Variants in DMGDH observed in about 807,000 individuals in gnomAD.
The protein encoded by DMGDH is dimethylglycine dehydrogenase, mitochondrial.
Under a neutral mutation model 95.2 loss-of-function variants are expected in DMGDH, and 76 were observed. The ratio of observed to expected loss-of-function variants is 0.80; its 90% CI spans 0.66 to 0.97. The LOEUF (loss-of-function observed/expected upper bound fraction) is 0.97, where lower values mean the gene tolerates loss of function less well. Ranked by LOEUF, DMGDH falls within the 50% of genes least tolerant of loss-of-function variation. The pLI is 0.00. For missense variants in DMGDH, 987 were observed against 1,055.0 expected, an observed-to-expected ratio of 0.94 and a Z score of 0.89; for synonymous variants, 345 against 377.6, an observed-to-expected ratio of 0.91 and a Z score of 1.00.
chr5:79,021,336 A>G (rs1326008133), intron 14 of DMGDH: 8 of 1,112,544 alleles, frequency 7.2e-6, no homozygotes, highest in Non-Finnish European at 8.9e-6. Flanking sequence ...GAGAGCCATC[A>G]GGAGTATATC....
In DMGDH at chr5:79,051,313, C is replaced by T; in HGVS notation, c.719G>A (p.Arg240Lys). The T allele has an allele frequency of 6.2e-7, 1 of 1,614,128 alleles. No individual in the cohort carries two copies. The highest frequency in any genetic ancestry group is 8.5e-7 in the Non-Finnish European group (1 of 1,180,006). ...TGCAGCATTCACAATTCTATTTGCT[C>T]TCATAGACCCCTGTGGTGTTTCAAC... ...WDVETPQGSMRANRIVNAAGF... is the reference protein window; with the variant it reads ...WDVETPQGSMKANRIVNAAGF... The change falls in exon 5 of 16, where the codon AGA (arginine) becomes AAA (lysine). Residue 240 changes from arginine (R) to lysine (K), a missense_variant. Coordinates refer to ENST00000255189, the MANE Select transcript of DMGDH (RefSeq NM_013391.3).
At chr5:79,019,292 A>G (rs1753805516) in intron 14 of DMGDH, among the ~76,000 whole-genome samples, 1 of 152,208 alleles carries the variant, frequency 6.6e-6, no homozygotes, top group Non-Finnish European at 1.5e-5. Flanking sequence ...CCTGTAGCCT[A>G]GCTGGAATAG....
intron 7 of DMGDH, among the ~76,000 whole-genome samples, chr5:79,037,787 T>C (rs1184861563): frequency 6.6e-6 from 1 of 152,224 alleles, no homozygotes; most frequent in Non-Finnish European, 1.5e-5. Context: ...CAGTCAATGA[T>C]CCTCAATTTC....
rs1258230326 is a variant in DMGDH at position 79,050,261 on chromosome 5, AAAAAAAAAAAAAATATAT to A, written c.745+1008_745+1025del. Among the ~76,000 whole-genome samples, 573 of 62,002 alleles carry A rather than the reference AAAAAAAAAAAAAATATAT, an allele frequency of 9.2e-3. 6 individuals are homozygous for A. The highest frequency in any genetic ancestry group is 0.081 in the East Asian group (132 of 1,620). 40.7% of individuals were successfully genotyped at this position (62,002 alleles called of 152,430 possible). ...AAAACTTTGTCTCAAAAAAAAAAAAAAAAAAAAAAAAAATATATATATATATATATATATATATATACC... is the reference window on the plus strand; with the variant it reads ...AAAACTTTGTCTCAAAAAAAAAAAAAATATATATATATATATATATATACC... On this transcript the variant is annotated intron_variant, in intron 5 of 15. Coordinates refer to ENST00000255189, the MANE Select transcript of DMGDH (RefSeq NM_013391.3).
At chr5:79,050,273 A>ATATATATATATATAT (rs1389866153) in intron 5 of DMGDH, among the ~76,000 whole-genome samples, 1 of 20,918 alleles carries the variant, frequency 4.8e-5, no homozygotes, top group African/African-American at 1.6e-4. Flanking sequence ...AAAAAAAAAA[A>ATATATATATATATAT]ATATATATAT....
intron 14 of DMGDH, chr5:79,020,795 C>G (rs1753845301): frequency 1.0e-6 from 1 of 984,846 alleles, no homozygotes; most frequent in Non-Finnish European, 1.2e-6. Context: ...GAGGGAGAAA[C>G]ATATTATAGA....
At chr5:79,064,133 G>A (rs1755297780) in intron 1 of DMGDH, among the ~76,000 whole-genome samples, 1 of 152,056 alleles carries the variant, frequency 6.6e-6, no homozygotes, top group Non-Finnish European at 1.5e-5. Context: ...TGGGAAGATT[G>A]CTTGAGCCCA....
rs1284474868 is a variant in DMGDH, at chr5:79,033,145, A to G, written c.1363+94T>C. 10 of 1,512,242 alleles carry G rather than the reference A, an allele frequency of 6.6e-6. No individual in the cohort carries two copies. In the East Asian group the frequency reaches 2.0e-4, roughly 31 times the overall value. The allele number at this position is 1,512,242 out of a possible 1,614,324, so 93.7% of individuals were successfully genotyped here. On this transcript the variant is annotated intron_variant, in intron 8 of 15. Transcript: ENST00000255189. Reference sequence around the variant, plus strand: ...CTTTTTGGAGTCCCTAACTACCGCCATCCCAGTGAATAGAATAAAGACCAT... The same window carrying G: ...CTTTTTGGAGTCCCTAACTACCGCCGTCCCAGTGAATAGAATAAAGACCAT...
chr5:79,050,182 T>G (rs604315), intron 5 of DMGDH, among the ~76,000 whole-genome samples: 91,696 of 143,428 alleles, frequency 0.64, 29,336 homozygotes, highest in East Asian at 0.79. Context: ...GCTTGAAACC[T>G]GGTTGCAGTG....
intron 15 of DMGDH, among the ~76,000 whole-genome samples, chr5:79,001,768 G>A (rs910640596): frequency 6.6e-6 from 1 of 152,174 alleles, no homozygotes; most frequent in Non-Finnish European, 1.5e-5. Flanking sequence ...AATTTGCCTT[G>A]CTTTCTGCTA....
rs10474572 is a variant in DMGDH at position 79,047,410 on chromosome 5, C to A, written c.746-2858G>T. Among the ~76,000 whole-genome samples the A allele has an allele frequency of 9.8e-3, 1,496 of 152,214 alleles. 15 individuals carry two copies. The highest frequency in any genetic ancestry group is 0.014 in the Non-Finnish European group (937 of 68,014). On this transcript the variant is annotated intron_variant, in intron 5 of 15. Coordinates refer to ENST00000255189, the MANE Select transcript of DMGDH (RefSeq NM_013391.3). ...GAGTATCAGGCAAAATTAAGCAATT[C>A]TTTTTGGCTGAACACTGAGCTTCAG...
chr5:79,008,269 T>C (rs1753584162), intron 14 of DMGDH, among the ~76,000 whole-genome samples: 1 of 152,090 alleles, frequency 6.6e-6, no homozygotes, highest in East Asian at 1.9e-4. Flanking sequence ...ATCGGGGCAT[T>C]CTTTGAGTTG....
intron 14 of DMGDH, among the ~76,000 whole-genome samples, chr5:79,023,032 G>T (rs1294564948): frequency 6.6e-6 from 1 of 152,180 alleles, no homozygotes; most frequent in East Asian, 1.9e-4. Flanking sequence ...AAGCCATGGG[G>T]AGAATGTACA....
chr5:79,043,114 C>A (rs1035276525), intron 6 of DMGDH, among the ~76,000 whole-genome samples: 8 of 152,136 alleles, frequency 5.3e-5, no homozygotes, highest in African/African-American at 1.9e-4. Flanking sequence ...AATGTCTCTA[C>A]CAACACTAGT....
intron 15 of DMGDH, 100 bp from the exon 16 acceptor site, chr5:78,998,397 A>T: frequency 1.6e-6 from 2 of 1,224,530 alleles, no homozygotes; most frequent in Non-Finnish European, 2.3e-6. Flanking sequence ...AACTTACAAA[A>T]TGGAAGTTTT....
intron 14 of DMGDH, among the ~76,000 whole-genome samples, chr5:79,007,668 G>T: frequency 6.6e-6 from 1 of 152,144 alleles, no homozygotes; most frequent in East Asian, 1.9e-4. Flanking sequence ...GACTTACACG[G>T]TGTGATTTAT....
intron 15 of DMGDH, among the ~76,000 whole-genome samples, chr5:78,999,880 T>C (rs1328488784): frequency 6.6e-6 from 1 of 151,678 alleles, no homozygotes; most frequent in Non-Finnish European, 1.5e-5. Context: ...TTTTTTTTTT[T>C]CTGGTGTGGA....
intron 14 of DMGDH, among the ~76,000 whole-genome samples, chr5:79,017,596 C>T (rs1308346661): frequency 1.3e-5 from 2 of 152,166 alleles, no homozygotes; most frequent in Non-Finnish European, 1.5e-5. Flanking sequence ...CTTGGCAAAA[C>T]GGTTTCTTAC....
At chr5:79,005,088 G>A (rs1319004598) in intron 15 of DMGDH, among the ~76,000 whole-genome samples, 185 bp downstream of exon 15, 2 of 152,174 alleles carry the variant, frequency 1.3e-5, no homozygotes, top group Non-Finnish European at 2.9e-5. Context: ...TCAAAAATGA[G>A]CAACATTGCA....
Sources: gnomAD v4.1 joint callset for allele counts (sites outside exome capture counted in the v4.1 genomes callset) on GRCh38, gnomAD v4.1.1 for gene constraint, MANE v1.5 for transcripts, NCBI Gene and HGNC (gene_info 2026-07-23, HGNC 2026-07-21) for gene names.